The following C7 variants were observed in gnomAD, a reference collection of about 807,000 sequenced individuals.
C7 encodes complement C7.
In C7, 83 loss-of-function variants were observed where a neutral mutation model predicts 104.8. That is an observed-to-expected ratio of 0.79 (90% CI 0.66 to 0.95). C7 has a LOEUF of 0.95. Ranked by LOEUF, C7 falls within the 40% of genes least tolerant of loss-of-function variation. The pLI is 0.00. For missense variants in C7, 1,070 were observed against 1,011.2 expected, an observed-to-expected ratio of 1.06 and a Z score of -0.79; for synonymous variants, 415 against 360.6, an observed-to-expected ratio of 1.15 and a Z score of -1.71.
intron 15 of C7, among the ~76,000 whole-genome samples, chr5:40,975,048 CA>C (rs538795534): frequency 6.6e-6 from 1 of 152,090 alleles, no homozygotes; most frequent in African/African-American, 2.4e-5. Flanking sequence ...CCCTGGGGGA[CA>C]AAACTGCCCC....
intron 2 of C7, 38 bp downstream of exon 2, chr5:40,928,673 T>C: frequency 7.5e-7 from 1 of 1,335,620 alleles, no homozygotes; most frequent in Non-Finnish European, 1.0e-6. Context: ...AATCATTAAA[T>C]TTAAAAAATG....
rs1741012198 is a variant in C7 at position 40,984,137 on chromosome 5, T to G, written c.*2564T>G. The stretch of plus-strand genomic sequence containing the variant: ...AGAAGTGCCTTCCTGTGACATCTTA[T>G]GTATTTCCTAATTGATCAAAAGTAG... On this transcript the variant is annotated 3_prime_UTR_variant, in exon 18 of 18. Transcript: ENST00000313164. Among the ~76,000 whole-genome samples, 1 of 152,222 alleles carries G rather than the reference T, an allele frequency of 6.6e-6. No individual in the cohort carries two copies. Among genetic ancestry groups the G allele is most frequent in the South Asian group, 2.1e-4 (1 of 4,834 alleles).
chr5:40,967,264 C>T (rs946990348), intron 14 of C7, among the ~76,000 whole-genome samples: 21 of 152,166 alleles, frequency 1.4e-4, no homozygotes, highest in African/African-American at 4.8e-4. Flanking sequence ...TGGGTTTTCA[C>T]CATGTTGGCC....
At chr5:40,976,462 A>G (rs1413200588) in intron 15 of C7, among the ~76,000 whole-genome samples, 4 of 152,214 alleles carry the variant, frequency 2.6e-5, no homozygotes, top group Non-Finnish European at 5.9e-5. Context: ...TTAGGTGGGC[A>G]TGTGTTAGGG....
intron 1 of C7, among the ~76,000 whole-genome samples, chr5:40,911,310 G>A (rs1380185578): frequency 1.3e-5 from 2 of 152,242 alleles, no homozygotes; most frequent in Non-Finnish European, 2.9e-5. Context: ...CTTTTTAAGA[G>A]GAAGCAATGT....
rs369521627 is a variant in C7, at chr5:40,984,346, C to G, written c.*2773C>G. Among the ~76,000 whole-genome samples, 2 of 152,128 alleles carry G rather than the reference C, an allele frequency of 1.3e-5. No homozygotes were observed. Among genetic ancestry groups the G allele is most frequent in the Non-Finnish European group, 2.9e-5 (2 of 68,032 alleles). The stretch of plus-strand genomic sequence containing the variant: ...GAAATCTGACAAGTGACCCCCGGAA[C>G]TTTGGATTACCTAGCAACTAGCCAG... On this transcript the variant is annotated 3_prime_UTR_variant, in exon 18 of 18. Coordinates refer to ENST00000313164, the MANE Select transcript of C7 (RefSeq NM_000587.4).
chr5:40,983,527 G>A lies in C7; in HGVS notation c.*1954G>A, dbSNP rs1172723026. 2.0e-5 allele frequency among the ~76,000 whole-genome samples: 3 copies of A among 152,070 alleles called. No individual in the cohort carries two copies. The highest frequency in any genetic ancestry group is 2.0e-4 in the Admixed American group (3 of 15,264). On this transcript the variant is annotated 3_prime_UTR_variant, in exon 18 of 18. Coordinates refer to ENST00000313164, the MANE Select transcript of C7 (RefSeq NM_000587.4). ...AAGGAGAGGAGCAGTGAATGTTGTC[G>A]TGAAGAGGTGTTGTCTTGAAATACT...
intron 1 of C7, among the ~76,000 whole-genome samples, chr5:40,916,760 CAAAT>C (rs1245138571): frequency 6.6e-6 from 1 of 151,768 alleles, no homozygotes; most frequent in Non-Finnish European, 1.5e-5. Flanking sequence ...TTTTAACTGA[CAAAT>C]AAAAATTGTG....
intron 10 of C7, among the ~76,000 whole-genome samples, chr5:40,955,791 T>C (rs1740279812): frequency 6.6e-6 from 1 of 152,218 alleles, no homozygotes; most frequent in South Asian, 2.1e-4. Context: ...GATAAATTAA[T>C]GACAAAATTT....
intron 1 of C7, among the ~76,000 whole-genome samples, chr5:40,910,719 G>A (rs573433915): frequency 9.2e-4 from 137 of 148,540 alleles, no homozygotes; most frequent in Non-Finnish European, 1.7e-3. Context: ...TAAATATTGG[G>A]TACTCATGGG....
rs778023560 is a variant in C7 at position 40,958,246 on chromosome 5, G to A, written c.1474G>A (p.Val492Ile). The A allele has an allele frequency of 2.3e-5, 37 of 1,605,238 alleles. No individual in the cohort carries two copies. The highest frequency in any genetic ancestry group is 5.6e-5 in the South Asian group (5 of 89,408). Residue 492 changes from valine to isoleucine, a missense_variant, in exon 11 of 18, where the codon GTA becomes ATA. Coordinates refer to ENST00000313164, the MANE Select transcript of C7 (RefSeq NM_000587.4). ...FGAACEQGVL[V>I]GNQAGGVDGG... ...TGCGGCGTGTGAGCAAGGAGTCCTCGTAGGGAATCAAGCAGGTCAGTGGGG... is the reference window on the plus strand; with the variant it reads ...TGCGGCGTGTGAGCAAGGAGTCCTCATAGGGAATCAAGCAGGTCAGTGGGG...
At position 40,981,555 on chromosome 5, in the gene C7, T is replaced by A. The variant is rs372987638; in HGVS notation, c.2514T>A (p.Cys838Ter). ...QSISVTSIRP[C>*]AAETQ ...TCTCTGTCACCAGCATAAGGCCTTG[T>A]GCTGCGGAAACCCAGTAGGCTCCTG... The change falls in exon 18 of 18, where the codon TGT becomes TGA. Residue 838 changes from cysteine (C) to a stop codon, truncating the protein, a stop_gained. Transcript: ENST00000313164. LOFTEE classifies it high-confidence loss of function. 6.2e-7 allele frequency: 1 copy of A among 1,610,944 alleles called. No homozygotes were observed. The highest frequency in any genetic ancestry group is 1.3e-5 in the African/African-American group (1 of 74,976).
intron 13 of C7, among the ~76,000 whole-genome samples, chr5:40,964,092 G>A (rs535724975): frequency 7.7e-6 from 1 of 130,018 alleles, no homozygotes; most frequent in South Asian, 2.6e-4. Context: ...ACACAGGCTG[G>A]CATGCAGTGG....
At chr5:40,917,134 CAAA>C (rs138855377) in intron 1 of C7, among the ~76,000 whole-genome samples, 2 of 113,638 alleles carry the variant, frequency 1.8e-5, no homozygotes, top group Non-Finnish European at 1.8e-5. Context: ...GACTCCATCT[CAAA>C]AAAAAAAAAA....
At chr5:40,967,962 G>A (rs1381588132) in intron 14 of C7, among the ~76,000 whole-genome samples, 1 of 152,016 alleles carries the variant, frequency 6.6e-6, no homozygotes, top group Non-Finnish European at 1.5e-5. Context: ...GTCAGTTTTA[G>A]ACCATTTCTT....
At chr5:40,947,887 A>G (rs1740085387) in intron 8 of C7, 42 bp downstream of exon 8, 6 of 1,579,348 alleles carry the variant, frequency 3.8e-6, no homozygotes, top group Non-Finnish European at 5.2e-6. Flanking sequence ...CATTTCTGGG[A>G]TTTTAATGGG....
intron 7 of C7, 29 bp from the exon 8 acceptor site, chr5:40,947,573 A>T (rs948536427): frequency 6.2e-7 from 1 of 1,609,818 alleles, no homozygotes; most frequent in Admixed American, 1.7e-5. Context: ...TCCACCTAAA[A>T]CTCCTTGTAC....
At chr5:40,945,434 AC>A in intron 7 of C7, 66 bp downstream of exon 7, 2 of 1,052,858 alleles carry the variant, frequency 1.9e-6, no homozygotes, top group Non-Finnish European at 2.7e-6. Context: ...ACATTAATAA[AC>A]TTGTATTTAT....
chr5:40,917,357 T>C (rs896137177), intron 1 of C7, among the ~76,000 whole-genome samples: 1 of 152,194 alleles, frequency 6.6e-6, no homozygotes, highest in Admixed American at 6.5e-5. Flanking sequence ...TAAGTATTTT[T>C]CTAGAAAGAA....
Sources: allele counts gnomAD v4.1 joint callset (sites outside exome capture counted in the v4.1 genomes callset), GRCh38; gene constraint gnomAD v4.1.1; transcripts MANE v1.5; gene names NCBI Gene and HGNC (gene_info 2026-07-23, HGNC 2026-07-21).